The following PFKL variants were observed in gnomAD, a reference collection of about 807,000 sequenced individuals.
PFKL encodes phosphofructokinase, liver type.
A neutral mutation model predicts 92.1 loss-of-function variants in PFKL; 74 were observed. The ratio of observed to expected loss-of-function variants is 0.80; its 90% CI spans 0.67 to 0.97. The LOEUF (loss-of-function observed/expected upper bound fraction) is 0.97, where lower values mean the gene tolerates loss of function less well. Among genes scored for constraint, PFKL ranks in the 50% least tolerant of loss-of-function variants. The pLI is 0.00. For synonymous variants in PFKL, 494 were observed against 456.4 expected, an observed-to-expected ratio of 1.08 and a Z score of -1.05; for missense variants, 1,028 against 1,116.6, an observed-to-expected ratio of 0.92 and a Z score of 1.13.
At chr21:44,305,635 G>C (rs536426030) in intron 1 of PFKL, among the ~76,000 whole-genome samples, 1 of 152,188 alleles carries the variant, frequency 6.6e-6, no homozygotes, top group African/African-American at 2.4e-5. Context: ...GACCCTGGCC[G>C]CTGGCGTGGG....
chr21:44,322,274 G>A, intron 14 of PFKL, 71 bp downstream of exon 14: 2 of 1,435,586 alleles, frequency 1.4e-6, no homozygotes, highest in South Asian at 1.2e-5. Flanking sequence ...GCAGGTGGGG[G>A]CGGCAAGGGG....
At chr21:44,320,269 G>A in intron 12 of PFKL, 122 bp downstream of exon 12, 1 of 796,800 alleles carries the variant, frequency 1.3e-6, no homozygotes, top group Admixed American at 2.5e-5. Context: ...GGTCCGAGCT[G>A]TGAGCTGGGA....
Position 44,319,398 on chromosome 21 carries a change from C to T in PFKL, c.1110C>T (p.Ala370=), listed in dbSNP as rs112356907. 1,173 of 1,613,664 alleles carry T rather than the reference C, an allele frequency of 7.3e-4. 11 individuals carry two copies. In the African/African-American group the frequency reaches 0.014, roughly 19 times the overall value. ...KAMDDKRFDE[A]TQLRGGSFEN... is the part of the protein sequence containing the mutation. ...TGGATGACAAGAGGTTTGACGAGGCCACCCAGCTCCGTGGTGGGTAAGCCC... is the reference window on the plus strand; with the variant it reads ...TGGATGACAAGAGGTTTGACGAGGCTACCCAGCTCCGTGGTGGGTAAGCCC... Residue 370 remains alanine (A), a synonymous_variant, in exon 11 of 22, where the codon GCC becomes GCT. Transcript: ENST00000349048.
chr21:44,302,285 G>A (rs755154307), intron 1 of PFKL, among the ~76,000 whole-genome samples: 1 of 152,244 alleles, frequency 6.6e-6, no homozygotes, highest in Admixed American at 6.5e-5. Flanking sequence ...GCTCCCATGC[G>A]TGGACAGGGA....
chr21:44,310,959 C>A, intron 2 of PFKL, 47 bp from the exon 3 acceptor site: 1 of 1,450,952 alleles, frequency 6.9e-7, no homozygotes, highest in Non-Finnish European at 9.7e-7. Context: ...TTGCTGCCGG[C>A]CGCCATGGGG....
Position 44,326,912 on chromosome 21 carries a change from C to T in PFKL, c.*50C>T, listed in dbSNP as rs144819845. 4.4e-3 allele frequency: 6,708 copies of T among 1,525,968 alleles called. 20 individuals are homozygous for T. The highest frequency in any genetic ancestry group is 5.6e-3 in the Non-Finnish European group (6,290 of 1,119,440). The allele number at this position is 1,525,968 out of a possible 1,614,324, so 94.5% of individuals were successfully genotyped here. On this transcript the variant is annotated 3_prime_UTR_variant, in exon 22 of 22. Transcript: ENST00000349048. Reference sequence around the variant, plus strand: ...CCAGCCCCCACCCATGCCAGCGCAGCGCCAGGGCTCAGATGGGGCCTGGGC... The same window carrying T: ...CCAGCCCCCACCCATGCCAGCGCAGTGCCAGGGCTCAGATGGGGCCTGGGC...
intron 10 of PFKL, among the ~76,000 whole-genome samples, chr21:44,318,815 C>G (rs779205018): frequency 6.6e-6 from 1 of 152,190 alleles, no homozygotes; most frequent in Non-Finnish European, 1.5e-5. Context: ...TGTGTCGGAG[C>G]TGCAGGGAGC....
At chr21:44,312,564 T>C (rs1388885510) in intron 4 of PFKL, among the ~76,000 whole-genome samples, 2 of 152,212 alleles carry the variant, frequency 1.3e-5, no homozygotes. Context: ...CTACGCTGCG[T>C]AGACAAGTCT....
Position 44,316,455 on chromosome 21 carries a change from C to T in PFKL, c.867C>T (p.Phe289=), listed in dbSNP as rs540032339. Residue 289 remains phenylalanine (F), a synonymous_variant, in exon 9 of 22, where the codon TTC becomes TTT. Coordinates refer to ENST00000349048, the MANE Select transcript of PFKL (RefSeq NM_002626.6). The part of the protein sequence containing the change: ...VKDLVVQRLG[F]DTRVTVLGHV... ...AGCTGGTGGTTCAGAGGCTGGGCTT[C>T]GACACCCGTGTAACTGTGCTGGGCC... The T allele has an allele frequency of 7.4e-5, 120 of 1,611,654 alleles. No homozygotes were observed. The South Asian group carries it at 8.5e-4, about 11-fold the overall frequency.
Position 44,310,330 on chromosome 21 carries a change from A to G in PFKL, c.160-676A>G, listed in dbSNP as rs550759390. ...ATCCACGGTACTGGATGGAAGGCCC[A>G]GTGTGGCCGGCGTGGCGGGACGCGG... On this transcript the variant is annotated intron_variant, in intron 2 of 21. Transcript: ENST00000349048. Among the ~76,000 whole-genome samples, 3 of 152,354 alleles carry G rather than the reference A, an allele frequency of 2.0e-5. No homozygotes were observed. In the East Asian group the frequency reaches 5.8e-4, roughly 29 times the overall value.
chr21:44,325,983 A>T lies in PFKL; in HGVS notation c.2012A>T (p.Asp671Val). Residue 671 changes from aspartate to valine, a missense_variant, in exon 20 of 22, where the codon GAC (aspartate) becomes GTC (valine). Physicochemically the swap from Asp to Val is radical, Grantham distance 152. Transcript: ENST00000349048. ...CAGGGTGGCGCTCCAACCCCCTTTG[A>T]CCGGAACTATGGGACCAAGCTGGGG... is the stretch of plus-strand genomic sequence containing the variant. The part of the protein sequence containing the change: ...LQQGGAPTPF[D>V]RNYGTKLGVK... 6.2e-7 allele frequency: 1 copy of T among 1,613,642 alleles called. No individual in the cohort carries two copies. The highest frequency in any genetic ancestry group is 8.5e-7 in the Non-Finnish European group (1 of 1,179,894).
In PFKL at chr21:44,313,921, C is replaced by T. The variant is rs753263223; in HGVS notation, c.647C>T (p.Ala216Val). The T allele has an allele frequency of 4.4e-6, 7 of 1,594,646 alleles. No individual in the cohort carries two copies. The highest frequency in any genetic ancestry group is 3.4e-6 in the Non-Finnish European group (4 of 1,172,884). The change falls in exon 7 of 22, where the codon GCG becomes GTG. Residue 216 changes from alanine (A) to valine (V), a missense_variant. Ala to Val is a moderately conservative substitution (Grantham distance 64). Transcript: ENST00000349048. Reference protein sequence around the residue: ...EVMGRHCGYLALVSALASGAD... With the variant: ...EVMGRHCGYLVLVSALASGAD... ...GGCGCTCGCTCCTCCAGGTACCTGG[C>T]GCTGGTATCTGCACTGGCCTCAGGG...
At chr21:44,301,181 G>A (rs963630247) in intron 1 of PFKL, among the ~76,000 whole-genome samples, 2 of 152,250 alleles carry the variant, frequency 1.3e-5, no homozygotes, top group Non-Finnish European at 2.9e-5. Flanking sequence ...AAGGAAGCCG[G>A]CCTTGAGTGG....
chr21:44,319,804 C>A, intron 11 of PFKL: 1 of 510,948 alleles, frequency 2.0e-6, no homozygotes, highest in Non-Finnish European at 3.5e-6. Flanking sequence ...GGTTCCCATG[C>A]GTGCCTCCAC....
rs1175086597 is a variant in PFKL, at chr21:44,316,460, C to A, written c.872C>A (p.Thr291Asn). ...DLVVQRLGFD[T>N]RVTVLGHVQR... ...GTGGTTCAGAGGCTGGGCTTCGACA[C>A]CCGTGTAACTGTGCTGGGCCACGTG... The change falls in exon 9 of 22, where the codon ACC becomes AAC. Residue 291 changes from threonine (T) to asparagine (N), a missense_variant. By Grantham distance (65) the Thr-to-Asn change is moderately conservative (BLOSUM62 0). Coordinates refer to ENST00000349048, the MANE Select transcript of PFKL (RefSeq NM_002626.6). 17 of 1,611,614 alleles carry A rather than the reference C, an allele frequency of 1.1e-5. No homozygotes were observed. The highest frequency in any genetic ancestry group is 1.4e-5 in the Non-Finnish European group (17 of 1,178,920).
chr21:44,323,621 G>T, intron 15 of PFKL, 145 bp from the exon 16 acceptor site: 1 of 786,318 alleles, frequency 1.3e-6, no homozygotes, highest in African/African-American at 1.7e-5. Context: ...AGCCCCAGGG[G>T]ATTGAGCAGG....
rs1305439409 is a variant in PFKL, at chr21:44,312,432, G to A, written c.427+138G>A. The A allele has an allele frequency of 1.2e-5, 9 of 750,998 alleles. No individual in the cohort carries two copies. In the East Asian group the frequency reaches 1.2e-4, roughly 10 times the overall value. The allele number at this position is 750,998 out of a possible 1,614,324, so 46.5% of individuals were successfully genotyped here. A position where few individuals can be genotyped will look rare whatever the true frequency, so the allele number is the denominator to read the frequency against. ...AGGAGGGGCTGTCTGGCCGTTGGCC[G>A]GGGAGGAGTAGTGTCTGCCAGCACG... On this transcript the variant is annotated intron_variant, in intron 4 of 21. Transcript: ENST00000349048.
In PFKL at chr21:44,312,232, T is replaced by A. The variant is rs546371183; in HGVS notation, c.365T>A (p.Leu122His). 139 of 1,600,302 alleles carry A rather than the reference T, an allele frequency of 8.7e-5. 1 individual carries two copies. The East Asian group carries it at 2.9e-3, about 33-fold the overall frequency. The change falls in exon 4 of 22, where the codon CTC becomes CAC. Residue 122 changes from leucine to histidine, a missense_variant. Coordinates refer to ENST00000349048, the MANE Select transcript of PFKL (RefSeq NM_002626.6). ...NLCVIGGDGSLTGANIFRSEW... is the reference protein window; with the variant it reads ...NLCVIGGDGSHTGANIFRSEW... Reference sequence around the variant, plus strand: ...TGCGTCATCGGCGGGGATGGCAGCCTCACAGGTGCCAACATCTTCCGCAGC... The same window carrying A: ...TGCGTCATCGGCGGGGATGGCAGCCACACAGGTGCCAACATCTTCCGCAGC...
At chr21:44,324,465 AC>A in intron 16 of PFKL, 25 bp from the exon 17 acceptor site, 1 of 1,608,168 alleles carries the variant, frequency 6.2e-7, no homozygotes, top group Non-Finnish European at 8.5e-7. Flanking sequence ...CACGTGGAGG[AC>A]CCCCGACCCC....
Sources: gnomAD v4.1 joint callset for allele counts (sites outside exome capture counted in the v4.1 genomes callset) on GRCh38, gnomAD v4.1.1 for gene constraint, MANE v1.5 for transcripts, NCBI Gene and HGNC (gene_info 2026-07-23, HGNC 2026-07-21) for gene names.